The following DPP10 variants were observed in gnomAD, a reference collection of about 807,000 sequenced individuals.
The protein encoded by DPP10 is inactive dipeptidyl peptidase 10.
In DPP10, 33 loss-of-function variants were observed where a neutral mutation model predicts 120.9. The ratio of observed to expected loss-of-function variants is 0.27; its 90% CI spans 0.21 to 0.37. The LOEUF (loss-of-function observed/expected upper bound fraction) is 0.37, where lower values mean the gene tolerates loss of function less well. DPP10 is among the 10% of genes least tolerant of loss of function. The pLI is 1.00. For missense variants in DPP10, 816 were observed against 942.8 expected, an observed-to-expected ratio of 0.87 and a Z score of 1.76; for synonymous variants, 337 against 326.1, an observed-to-expected ratio of 1.03 and a Z score of -0.36.
chr2:114,580,334 AT>A (rs1690396109), intron 1 of DPP10, among the ~76,000 whole-genome samples: 1 of 152,216 alleles, frequency 6.6e-6, no homozygotes, highest in South Asian at 2.1e-4. Flanking sequence ...GTTACTTTCT[AT>A]TCAGTGTAAT....
chr2:115,339,999 G>A (rs545985793), intron 2 of DPP10, among the ~76,000 whole-genome samples: 14 of 152,228 alleles, frequency 9.2e-5, no homozygotes, highest in Admixed American at 6.5e-4. Flanking sequence ...GTTTCTTTTC[G>A]TGATATTATT....
At chr2:115,453,354 A>T (rs960524442) in intron 3 of DPP10, among the ~76,000 whole-genome samples, 4 of 151,134 alleles carry the variant, frequency 2.6e-5, no homozygotes, top group African/African-American at 9.7e-5. Context: ...AAATTAGAAA[A>T]TTTTTTTTCT....
chr2:115,418,906 G>A (rs1324499299), intron 3 of DPP10, among the ~76,000 whole-genome samples: 1 of 152,208 alleles, frequency 6.6e-6, no homozygotes. Context: ...TCATTTTGTA[G>A]TCTGAAGGCA....
intron 7 of DPP10, among the ~76,000 whole-genome samples, chr2:115,694,521 G>T (rs1325185600): frequency 3.3e-5 from 5 of 152,294 alleles, no homozygotes; most frequent in Non-Finnish European, 5.9e-5. Context: ...GTGGAAAAAT[G>T]AACCTGAAGC....
At chr2:114,767,870 C>G (rs1680876681) in intron 1 of DPP10, among the ~76,000 whole-genome samples, 1 of 152,116 alleles carries the variant, frequency 6.6e-6, no homozygotes, top group African/African-American at 2.4e-5. Flanking sequence ...CCTGTAATCC[C>G]AACACTTTGG....
chr2:114,996,544 C>CT (rs1407991539), intron 1 of DPP10, among the ~76,000 whole-genome samples: 2 of 152,008 alleles, frequency 1.3e-5, no homozygotes, highest in Admixed American at 6.6e-5. Flanking sequence ...TCAGGCATTT[C>CT]TTTTTTACTG....
At chr2:115,228,588 T>G (rs187273088) in intron 1 of DPP10, among the ~76,000 whole-genome samples, 4 of 152,108 alleles carry the variant, frequency 2.6e-5, no homozygotes, top group South Asian at 2.1e-4. Context: ...AATTTTTTTT[T>G]AAAAAATTTA....
At chr2:114,721,551 T>G (rs191919101) in intron 1 of DPP10, among the ~76,000 whole-genome samples, 2 of 152,340 alleles carry the variant, frequency 1.3e-5, no homozygotes, top group Non-Finnish European at 2.9e-5. Context: ...TCATTCTTCT[T>G]GACCTGCTTC....
chr2:114,815,888 T>C (rs1050781721), intron 1 of DPP10, among the ~76,000 whole-genome samples: 1 of 152,004 alleles, frequency 6.6e-6, no homozygotes, highest in African/African-American at 2.4e-5. Context: ...CTTAGTTTTT[T>C]TTTTTTTTTC....
intron 1 of DPP10, among the ~76,000 whole-genome samples, chr2:114,682,095 T>C (rs114145152): frequency 6.6e-6 from 1 of 151,922 alleles, no homozygotes; most frequent in South Asian, 2.1e-4. Flanking sequence ...GCTGTAAGAT[T>C]GTACAATTCA....
intron 3 of DPP10, among the ~76,000 whole-genome samples, chr2:115,377,856 T>C (rs1298549809): frequency 1.3e-5 from 2 of 152,186 alleles, no homozygotes; most frequent in African/African-American, 2.4e-5. Flanking sequence ...AAAGATCAGA[T>C]AGTTGCAGAT....
chr2:115,353,451 T>G (rs2106315846), intron 3 of DPP10, among the ~76,000 whole-genome samples: 1 of 152,296 alleles, frequency 6.6e-6, no homozygotes, highest in South Asian at 2.1e-4. Flanking sequence ...TTGTTATACT[T>G]TGATCTCCTT....
Position 114,643,921 on chromosome 2 carries a change from A to G in DPP10, c.60+201083A>G, listed in dbSNP as rs1030662035. On this transcript the variant is annotated intron_variant, in intron 1 of 25. Coordinates refer to ENST00000410059, the MANE Select transcript of DPP10 (RefSeq NM_020868.6). Reference sequence around the variant, plus strand: ...TGTGTGTATATATATATGTGTGTGTATATATATATATATATTTTTTTTTTT... The same window carrying G: ...TGTGTGTATATATATATGTGTGTGTGTATATATATATATATTTTTTTTTTT... Among the ~76,000 whole-genome samples, 41 of 133,252 alleles carry G rather than the reference A, an allele frequency of 3.1e-4. No homozygotes were observed. The East Asian group carries it at 3.7e-3, about 12-fold the overall frequency. 87.4% of individuals were successfully genotyped at this position (133,252 alleles called of 152,430 possible).
At chr2:114,560,377 C>T (rs546188926) in intron 1 of DPP10, among the ~76,000 whole-genome samples, 2 of 152,182 alleles carry the variant, frequency 1.3e-5, no homozygotes, top group East Asian at 3.9e-4. Flanking sequence ...GAAGATGGTT[C>T]CTGAGGACAG....
Position 114,654,595 on chromosome 2 carries a change from T to TA in DPP10, c.60+211764dup, listed in dbSNP as rs111985076. Among the ~76,000 whole-genome samples, 880 of 152,276 alleles carry TA rather than the reference T, an allele frequency of 5.8e-3. 5 individuals are homozygous for TA. The highest frequency in any genetic ancestry group is 0.017 in the Middle Eastern group (5 of 294). Reference sequence around the variant, plus strand: ...CTAGTTGTGACCTTCAGATATACTTTAAAAAAATCAACTAATATTTTAAAA... The same window carrying TA: ...CTAGTTGTGACCTTCAGATATACTTTAAAAAAAATCAACTAATATTTTAAAA... On this transcript the variant is annotated intron_variant, in intron 1 of 25. Transcript: ENST00000410059.
At chr2:115,299,968 C>G (rs2061051370) in intron 1 of DPP10, among the ~76,000 whole-genome samples, 1 of 152,030 alleles carries the variant, frequency 6.6e-6, no homozygotes, top group African/African-American at 2.4e-5. Context: ...TGAAGATTCT[C>G]TACATCCTTC....
At chr2:114,817,391 G>A (rs534310372) in intron 1 of DPP10, among the ~76,000 whole-genome samples, 1 of 152,138 alleles carries the variant, frequency 6.6e-6, no homozygotes, top group Admixed American at 6.5e-5. Flanking sequence ...GTGAGGATGA[G>A]GCTAAAGAAA....
At chr2:115,835,714 C>T (rs976358045) in intron 21 of DPP10, among the ~76,000 whole-genome samples, 1 of 152,026 alleles carries the variant, frequency 6.6e-6, no homozygotes, top group African/African-American at 2.4e-5. Flanking sequence ...GAGATATTTT[C>T]AAAATTTCAT....
At chr2:115,636,077 T>A (rs1258230970) in intron 5 of DPP10, among the ~76,000 whole-genome samples, 1 of 151,350 alleles carries the variant, frequency 6.6e-6, no homozygotes, top group Non-Finnish European at 1.5e-5. Flanking sequence ...TCTGATGACA[T>A]GCAATGGGAG....
Sources: allele counts gnomAD v4.1 joint callset (sites outside exome capture counted in the v4.1 genomes callset), GRCh38; gene constraint gnomAD v4.1.1; transcripts MANE v1.5; gene names NCBI Gene and HGNC (gene_info 2026-07-23, HGNC 2026-07-21).